Variants in CTNNA3 observed in about 807,000 individuals in gnomAD.
CTNNA3 encodes catenin alpha-3.
CTNNA3 carries 76 observed loss-of-function variants against 95.7 expected under a neutral mutation model. The ratio of observed to expected loss-of-function variants is 0.79; its 90% CI spans 0.66 to 0.96. The LOEUF (loss-of-function observed/expected upper bound fraction) is 0.96, where lower values mean the gene tolerates loss of function less well. CTNNA3 is among the 40% of genes least tolerant of loss of function. The pLI is 0.00. For synonymous variants in CTNNA3, 431 were observed against 374.4 expected, an observed-to-expected ratio of 1.15 and a Z score of -1.74; for missense variants, 1,191 against 1,089.8, an observed-to-expected ratio of 1.09 and a Z score of -1.31.
intron 7 of CTNNA3, among the ~76,000 whole-genome samples, chr10:66,979,624 A>G (rs943546962): frequency 2.6e-5 from 4 of 152,174 alleles, no homozygotes; most frequent in Non-Finnish European, 2.9e-5. Flanking sequence ...CATCAGTAAA[A>G]TGGGGAGTAT....
At chr10:66,072,219 A>AT (rs1589326528) in intron 14 of CTNNA3, among the ~76,000 whole-genome samples, 2 of 152,190 alleles carry the variant, frequency 1.3e-5, no homozygotes, top group East Asian at 1.9e-4. Flanking sequence ...TCTATTCTGA[A>AT]TTTTTTCAAC....
At chr10:66,732,468 G>A (rs1213449764) in intron 9 of CTNNA3, among the ~76,000 whole-genome samples, 1 of 152,110 alleles carries the variant, frequency 6.6e-6, no homozygotes, top group Non-Finnish European at 1.5e-5. Flanking sequence ...AAAGAAAAGA[G>A]GTTTAATCGA....
intron 2 of CTNNA3, among the ~76,000 whole-genome samples, chr10:67,630,998 T>A (rs564340653): frequency 1.3e-5 from 2 of 152,182 alleles, no homozygotes; most frequent in Non-Finnish European, 2.9e-5. Flanking sequence ...GCAGTTTATA[T>A]CCCCTTCAGA....
At chr10:66,016,413 A>G (rs1468259204) in intron 15 of CTNNA3, among the ~76,000 whole-genome samples, 1 of 152,212 alleles carries the variant, frequency 6.6e-6, no homozygotes, top group Non-Finnish European at 1.5e-5. Flanking sequence ...CTTATGGTCT[A>G]TCATTTAGTG....
chr10:66,155,000 A>T (rs534799354), intron 13 of CTNNA3, among the ~76,000 whole-genome samples: 1 of 151,748 alleles, frequency 6.6e-6, no homozygotes, highest in South Asian at 2.1e-4. Flanking sequence ...CAACAACTCA[A>T]CTTTACCATT....
At chr10:66,425,825 T>C (rs1440143333) in intron 11 of CTNNA3, among the ~76,000 whole-genome samples, 3 of 151,972 alleles carry the variant, frequency 2.0e-5, no homozygotes, top group African/African-American at 7.2e-5. Flanking sequence ...ACCACACATA[T>C]GGAACCAGGA....
At chr10:66,672,267 C>A (rs1159550903) in intron 9 of CTNNA3, among the ~76,000 whole-genome samples, 1 of 152,068 alleles carries the variant, frequency 6.6e-6, no homozygotes, top group Non-Finnish European at 1.5e-5. Context: ...TAGTGAGTAC[C>A]TAACAAAGTT....
At chr10:66,831,340 A>G (rs1003391696) in intron 7 of CTNNA3, among the ~76,000 whole-genome samples, 1 of 152,010 alleles carries the variant, frequency 6.6e-6, no homozygotes, top group Non-Finnish European at 1.5e-5. Flanking sequence ...GCCAGGCTTC[A>G]CTCGTTCTGA....
chr10:66,612,265 T>C (rs1007700154), intron 10 of CTNNA3, among the ~76,000 whole-genome samples: 4 of 152,114 alleles, frequency 2.6e-5, no homozygotes, highest in Non-Finnish European at 5.9e-5. Context: ...AATATTCAAT[T>C]ATCTTTTAGC....
At chr10:66,240,383 G>C (rs975892149) in intron 13 of CTNNA3, among the ~76,000 whole-genome samples, 1 of 151,898 alleles carries the variant, frequency 6.6e-6, no homozygotes, top group Non-Finnish European at 1.5e-5. Flanking sequence ...TTAACCTTAA[G>C]CATTGTATCA....
intron 11 of CTNNA3, among the ~76,000 whole-genome samples, chr10:66,460,730 A>G (rs1186625575): frequency 6.6e-6 from 1 of 152,138 alleles, no homozygotes; most frequent in Non-Finnish European, 1.5e-5. Context: ...TCACTTACCA[A>G]CTAGTTAAAA....
chr10:66,820,917 A>G (rs1308194143), intron 7 of CTNNA3, among the ~76,000 whole-genome samples: 1 of 152,160 alleles, frequency 6.6e-6, no homozygotes, highest in Non-Finnish European at 1.5e-5. Flanking sequence ...TCTGGTATAT[A>G]CAAAAGTGTT....
At chr10:66,271,601 C>T (rs996191075) in intron 13 of CTNNA3, among the ~76,000 whole-genome samples, 1 of 152,200 alleles carries the variant, frequency 6.6e-6, no homozygotes, top group African/African-American at 2.4e-5. Context: ...CCCTTCCATT[C>T]ACAATGTTAG....
chr10:66,780,082 G>A (rs1459496113), intron 7 of CTNNA3, among the ~76,000 whole-genome samples: 1 of 152,102 alleles, frequency 6.6e-6, no homozygotes, highest in African/African-American at 2.4e-5. Flanking sequence ...GGTATAGCCT[G>A]AGCAAAGGTA....
At chr10:67,043,460 GT>G (rs1243895071) in intron 7 of CTNNA3, among the ~76,000 whole-genome samples, 1 of 152,036 alleles carries the variant, frequency 6.6e-6, no homozygotes, top group African/African-American at 2.4e-5. Context: ...GAGGGAGTAG[GT>G]TTTCCTCCTA....
chr10:67,438,679 C>A (rs1364072716), intron 5 of CTNNA3, among the ~76,000 whole-genome samples: 1 of 152,156 alleles, frequency 6.6e-6, no homozygotes, highest in East Asian at 1.9e-4. Context: ...GCTGGTGCCA[C>A]CCCTCCCCAA....
intron 7 of CTNNA3, among the ~76,000 whole-genome samples, chr10:67,156,964 T>C (rs1414587554): frequency 1.3e-5 from 2 of 152,170 alleles, no homozygotes; most frequent in Admixed American, 1.3e-4. Flanking sequence ...TTAGGTGCTC[T>C]GATGTTGGGT....
chr10:67,217,581 C>T (rs1306969203), intron 6 of CTNNA3, among the ~76,000 whole-genome samples: 1 of 152,192 alleles, frequency 6.6e-6, no homozygotes, highest in Non-Finnish European at 1.5e-5. Flanking sequence ...TGAAGTTACA[C>T]ACATAACACG....
At chr10:66,992,405 C>T (rs1184700113) in intron 7 of CTNNA3, among the ~76,000 whole-genome samples, 1 of 151,972 alleles carries the variant, frequency 6.6e-6, no homozygotes, top group Admixed American at 6.6e-5. Flanking sequence ...CTTCCTCCTC[C>T]TCCTCCTCCA....
Sources: gnomAD v4.1 joint callset for allele counts (sites outside exome capture counted in the v4.1 genomes callset) on GRCh38, gnomAD v4.1.1 for gene constraint, MANE v1.5 for transcripts, NCBI Gene and HGNC (gene_info 2026-07-23, HGNC 2026-07-21) for gene names.